Variants in FUT9 observed in about 807,000 individuals in gnomAD.
FUT9 encodes the protein fucosyltransferase 9, also known as 4-galactosyl-N-acetylglucosaminide 3-alpha-L-fucosyltransferase 9.
FUT9 carries 15 observed loss-of-function variants against 29.7 expected under a neutral mutation model. The observed-to-expected ratio is 0.51, with a 90% confidence interval of 0.34 to 0.78. The LOEUF (loss-of-function observed/expected upper bound fraction) is 0.78. FUT9 is among the 30% of genes least tolerant of loss of function. FUT9 has a pLI of 0.01. For synonymous variants in FUT9, 169 were observed against 153.7 expected (o/e 1.10, Z -0.74); for missense variants, 319 against 425.4 (o/e 0.75, Z 2.20).
intron 2 of FUT9, among the ~76,000 whole-genome samples, chr6:96,118,761 C>T (rs1582244416): frequency 6.6e-6 from 1 of 152,048 alleles, no homozygotes; most frequent in Admixed American, 6.5e-5. Context: ...CCCCTGAAGA[C>T]CTCCCAGTGA....
chr6:96,201,794 C>G (rs1773729910), intron 2 of FUT9, among the ~76,000 whole-genome samples: 1 of 151,066 alleles, frequency 6.6e-6, no homozygotes, highest in Admixed American at 6.7e-5. Flanking sequence ...CAGGAAGCTG[C>G]AATCTCTGAT....
intron 2 of FUT9, among the ~76,000 whole-genome samples, chr6:96,197,921 C>T (rs1411160611): frequency 6.6e-6 from 1 of 152,116 alleles, no homozygotes; most frequent in African/African-American, 2.4e-5. Flanking sequence ...GATTCAATAC[C>T]TACCTCCACC....
At chr6:96,122,478 A>G (rs1487851675) in intron 2 of FUT9, among the ~76,000 whole-genome samples, 1 of 152,190 alleles carries the variant, frequency 6.6e-6, no homozygotes, top group African/African-American at 2.4e-5. Context: ...AATTCACAGA[A>G]TTATTTGCCT....
intron 1 of FUT9, among the ~76,000 whole-genome samples, chr6:96,022,934 G>A (rs1770100470): frequency 6.6e-6 from 1 of 151,846 alleles, no homozygotes; most frequent in Non-Finnish European, 1.5e-5. Flanking sequence ...GTGAATGGAA[G>A]CTGCTTACGT....
At chr6:96,115,236 G>A in intron 2 of FUT9, among the ~76,000 whole-genome samples, 1 of 152,124 alleles carries the variant, frequency 6.6e-6, no homozygotes, top group East Asian at 1.9e-4. Flanking sequence ...AAATAAGCAG[G>A]TGAAATGAGT....
chr6:96,046,687 T>C (rs891459586), intron 1 of FUT9, among the ~76,000 whole-genome samples: 12 of 152,198 alleles, frequency 7.9e-5, no homozygotes, highest in African/African-American at 2.9e-4. Flanking sequence ...GAGCCCATCT[T>C]CTTCACTGCT....
intron 1 of FUT9, among the ~76,000 whole-genome samples, chr6:96,070,282 A>C (rs1023256533): frequency 2.0e-5 from 3 of 152,208 alleles, no homozygotes; most frequent in Admixed American, 1.3e-4. Flanking sequence ...CAGAAAAAAG[A>C]CATTTATTTA....
intron 2 of FUT9, among the ~76,000 whole-genome samples, chr6:96,137,720 G>A (rs1772384376): frequency 1.3e-5 from 2 of 151,756 alleles, no homozygotes; most frequent in African/African-American, 4.8e-5. Context: ...AAGTAAAAAA[G>A]AAAATATGAA....
chr6:96,171,688 T>C (rs186403103), intron 2 of FUT9, among the ~76,000 whole-genome samples: 4 of 152,254 alleles, frequency 2.6e-5, no homozygotes, highest in Non-Finnish European at 5.9e-5. Context: ...CTAAAGTATG[T>C]AAAAATTCTA....
chr6:96,078,863 G>C (rs1297094535), intron 1 of FUT9, among the ~76,000 whole-genome samples: 1 of 152,178 alleles, frequency 6.6e-6, no homozygotes. Context: ...TAATCAGTGA[G>C]TTGGTCTTTT....
intron 2 of FUT9, among the ~76,000 whole-genome samples, chr6:96,188,367 A>G (rs1453594233): frequency 1.3e-5 from 2 of 152,108 alleles, no homozygotes; most frequent in East Asian, 3.9e-4. Flanking sequence ...CCTGGATTCA[A>G]GCAATTTTTC....
At chr6:96,096,009 C>T (rs563691968) in intron 1 of FUT9, among the ~76,000 whole-genome samples, 2 of 152,222 alleles carry the variant, frequency 1.3e-5, no homozygotes, top group Admixed American at 1.3e-4. Flanking sequence ...TCTAATGACT[C>T]ATAAAACCTA....
At chr6:96,101,281 A>G (rs1462872103) in intron 1 of FUT9, among the ~76,000 whole-genome samples, 1 of 152,126 alleles carries the variant, frequency 6.6e-6, no homozygotes, top group Non-Finnish European at 1.5e-5. Flanking sequence ...GCTCATGCCC[A>G]TAATCCCAGC....
At chr6:96,187,755 T>C (rs1447319403) in intron 2 of FUT9, among the ~76,000 whole-genome samples, 1 of 152,144 alleles carries the variant, frequency 6.6e-6, no homozygotes, top group Non-Finnish European at 1.5e-5. Flanking sequence ...GATGGTGTTG[T>C]GTGGAAAACT....
At position 96,211,383 on chromosome 6, in the gene FUT9, C is replaced by G. The variant is rs1281624331; in HGVS notation, c.*7148C>G. 1 of 166,804 alleles carries G rather than the reference C, an allele frequency of 6.0e-6. No homozygotes were observed. The highest frequency in any genetic ancestry group is 1.5e-5 in the Non-Finnish European group (1 of 67,980). The allele number at this position is 166,804 out of a possible 1,614,324, so 10.3% of individuals were successfully genotyped here. On this transcript the variant is annotated 3_prime_UTR_variant, in exon 3 of 3. Transcript: ENST00000302103. ...CAGAATAGGATAGCAAGAAGATTCTCAGAGATCATTTTCTGGTAAAGAAAA... is the reference window on the plus strand; with the variant it reads ...CAGAATAGGATAGCAAGAAGATTCTGAGAGATCATTTTCTGGTAAAGAAAA...
intron 2 of FUT9, among the ~76,000 whole-genome samples, chr6:96,137,300 T>C (rs192539159): frequency 7.9e-5 from 12 of 152,196 alleles, no homozygotes; most frequent in African/African-American, 2.9e-4. Flanking sequence ...TATTGCAGTA[T>C]TATATTATAC....
intron 1 of FUT9, among the ~76,000 whole-genome samples, chr6:96,111,793 A>AAT (rs935469877): frequency 1.3e-5 from 2 of 152,158 alleles, no homozygotes; most frequent in African/African-American, 2.4e-5. Context: ...AGCAAATAGT[A>AAT]ATATATATAT....
At chr6:96,174,795 A>C (rs1773175031) in intron 2 of FUT9, among the ~76,000 whole-genome samples, 1 of 152,162 alleles carries the variant, frequency 6.6e-6, no homozygotes, top group African/African-American at 2.4e-5. Context: ...TTAGGAAGTA[A>C]ATAATAGTAA....
chr6:96,192,252 G>T (rs1773525392), intron 2 of FUT9, among the ~76,000 whole-genome samples: 1 of 152,112 alleles, frequency 6.6e-6, no homozygotes, highest in Admixed American at 6.6e-5. Flanking sequence ...AGGAAAAGAG[G>T]AAGTCAAATT....
Sources: allele counts gnomAD v4.1 joint callset (sites outside exome capture counted in the v4.1 genomes callset), GRCh38; gene constraint gnomAD v4.1.1; transcripts MANE v1.5; gene names NCBI Gene and HGNC (gene_info 2026-07-23, HGNC 2026-07-21).